LRBA: variants seen among roughly 807,000 people sequenced by gnomAD.
The protein encoded by LRBA is LPS responsive beige-like anchor protein.
A neutral mutation model predicts 330.0 loss-of-function variants in LRBA; 176 were observed. The ratio of observed to expected loss-of-function variants is 0.53; its 90% CI spans 0.47 to 0.60. LRBA has a LOEUF of 0.60. LRBA is among the 20% of genes least tolerant of loss of function. LRBA has a pLI of 0.00. For missense variants in LRBA, 3,259 were observed against 3,444.8 expected (o/e 0.95, Z 1.35); for synonymous variants, 1,230 against 1,193.0 (o/e 1.03, Z -0.64).
At chr4:150,267,398 AAT>A (rs1745482831) in intron 56 of LRBA, among the ~76,000 whole-genome samples, 2 of 151,426 alleles carry the variant, frequency 1.3e-5, no homozygotes, top group Non-Finnish European at 2.9e-5. Flanking sequence ...AAAATTCACA[AAT>A]ATGTGGAAAG....
intron 2 of LRBA, among the ~76,000 whole-genome samples, chr4:151,003,171 A>C (rs1243606219): frequency 6.6e-6 from 1 of 151,956 alleles, no homozygotes; most frequent in Non-Finnish European, 1.5e-5. Context: ...CAAGATGGAC[A>C]GATCACTTTA....
chr4:150,689,270 G>T (rs1783900032), intron 36 of LRBA, among the ~76,000 whole-genome samples: 1 of 152,004 alleles, frequency 6.6e-6, no homozygotes, highest in South Asian at 2.1e-4. Context: ...AAGAACATAT[G>T]GGCACGGAGA....
At chr4:150,920,548 T>C (rs1299852345) in intron 5 of LRBA, among the ~76,000 whole-genome samples, 2 of 151,810 alleles carry the variant, frequency 1.3e-5, no homozygotes, top group African/African-American at 2.4e-5. Context: ...AAACTCCATC[T>C]CAAAATAAAA....
At chr4:150,399,280 G>C (rs1213839644) in intron 47 of LRBA, among the ~76,000 whole-genome samples, 1 of 152,064 alleles carries the variant, frequency 6.6e-6, no homozygotes, top group Non-Finnish European at 1.5e-5. Context: ...GACACACAGA[G>C]ACACAAAATG....
At chr4:150,915,113 T>C (rs1186229944) in intron 8 of LRBA, among the ~76,000 whole-genome samples, 1 of 152,156 alleles carries the variant, frequency 6.6e-6, no homozygotes, top group Non-Finnish European at 1.5e-5. Flanking sequence ...TAGTGTACTT[T>C]ATGTTCATTT....
intron 46 of LRBA, among the ~76,000 whole-genome samples, chr4:150,424,263 G>C (rs552815076): frequency 5.0e-4 from 76 of 152,090 alleles, no homozygotes; most frequent in African/African-American, 1.8e-3. Flanking sequence ...TCATCGATAG[G>C]GTCTTGAAAA....
At chr4:150,961,389 C>T (rs1347518162) in intron 2 of LRBA, among the ~76,000 whole-genome samples, 1 of 149,282 alleles carries the variant, frequency 6.7e-6, no homozygotes, top group Non-Finnish European at 1.5e-5. Context: ...AAGAGAAATA[C>T]TGCAAGGCAT....
At chr4:150,480,577 CTT>C (rs1461964940) in intron 42 of LRBA, among the ~76,000 whole-genome samples, 3 of 151,954 alleles carry the variant, frequency 2.0e-5, no homozygotes, top group African/African-American at 7.2e-5. Context: ...GTAATAAACA[CTT>C]TTTTAAAACA....
chr4:150,528,906 T>C (rs13127921), intron 40 of LRBA, among the ~76,000 whole-genome samples: 59,075 of 151,954 alleles, frequency 0.39, 12,501 homozygotes, highest in South Asian at 0.5. Flanking sequence ...CTATATATAT[T>C]TATATGAGAT....
At position 150,491,044 on chromosome 4, in the gene LRBA, G is replaced by GA; in HGVS notation, c.6331-10dup. The GA allele has an allele frequency of 2.9e-6, 4 of 1,396,694 alleles. No individual in the cohort carries two copies. The highest frequency in any genetic ancestry group is 1.4e-5 in the South Asian group (1 of 72,680). 86.5% of individuals were successfully genotyped at this position (1,396,694 alleles called of 1,614,324 possible). A position where few individuals can be genotyped will look rare whatever the true frequency, so the allele number is the denominator to read the frequency against. ...TCTGTATATGCCAAGATCTAATGAG[G>GA]AAAAAAATAATCCCAGGTAAGTAAC... On this transcript the variant is annotated splice_polypyrimidine_tract_variant and intron_variant, in intron 40 of 56. Transcript: ENST00000651943.
chr4:150,729,308 T>C (rs1211619100), intron 36 of LRBA, among the ~76,000 whole-genome samples: 1 of 152,110 alleles, frequency 6.6e-6, no homozygotes, highest in East Asian at 1.9e-4. Flanking sequence ...TGAGATCCCA[T>C]CTCAAGCAAT....
rs145097204 is a variant in LRBA, at chr4:150,294,749, A to G, written c.8017+7876T>C. Among the ~76,000 whole-genome samples the G allele has an allele frequency of 6.2e-3, 947 of 152,326 alleles. 12 individuals are homozygous for G. The highest frequency in any genetic ancestry group is 0.02 in the African/African-American group (823 of 41,574). On this transcript the variant is annotated intron_variant, in intron 53 of 56. Transcript: ENST00000651943. ...GGCGGATCACAAGGTCAGGAGATTG[A>G]GACCATCATGGCCAACATGGTGAAA... is the stretch of plus-strand genomic sequence containing the variant.
intron 2 of LRBA, among the ~76,000 whole-genome samples, chr4:151,002,196 CAAAAAAAA>C (rs143587760): frequency 1.6e-3 from 38 of 24,408 alleles, no homozygotes; most frequent in African/African-American, 5.9e-3. Context: ...CATAAAACAG[CAAAAAAAA>C]AAAAAAAAAA....
rs780327383 is a variant in LRBA, at chr4:150,315,612, C to A, written c.7642G>T (p.Ala2548Ser). The stretch of plus-strand genomic sequence containing the variant: ...AGCTGGTATGGCTGGTCTTGTACAG[C>A]ACCTTGATGAGCTGGAATTCACAAA... ...KWHNLPAHQGAVQDQPYQLPV... is the reference protein window; with the variant it reads ...KWHNLPAHQGSVQDQPYQLPV... Residue 2548 changes from alanine (A) to serine (S), a missense_variant, in exon 51 of 57, where the codon GCT becomes TCT. By Grantham distance (99) the Ala-to-Ser change is moderately conservative (BLOSUM62 1). Coordinates refer to ENST00000651943, the MANE Select transcript of LRBA (RefSeq NM_001364905.1). The A allele has an allele frequency of 5.7e-6, 9 of 1,582,938 alleles. No homozygotes were observed. In the Admixed American group the frequency reaches 1.8e-4, roughly 31 times the overall value.
At chr4:150,521,560 T>C (rs1445133742) in intron 40 of LRBA, among the ~76,000 whole-genome samples, 1 of 152,194 alleles carries the variant, frequency 6.6e-6, no homozygotes, top group East Asian at 1.9e-4. Context: ...CAGCCTCTAT[T>C]TTCATTATGA....
chr4:150,504,180 C>G (rs1331405670), intron 40 of LRBA, among the ~76,000 whole-genome samples: 1 of 152,162 alleles, frequency 6.6e-6, no homozygotes, highest in Admixed American at 6.5e-5. Context: ...AGGATATTAT[C>G]CAGGAGAACT....
chr4:150,621,093 A>G (rs1399186049), intron 37 of LRBA, among the ~76,000 whole-genome samples: 1 of 25,364 alleles, frequency 3.9e-5, no homozygotes, highest in Non-Finnish European at 1.8e-3. Flanking sequence ...CCTTCTTCGG[A>G]AAAAAAAAAA....
chr4:150,741,514 T>A (rs1462421676), intron 35 of LRBA, among the ~76,000 whole-genome samples: 1 of 152,116 alleles, frequency 6.6e-6, no homozygotes, highest in Non-Finnish European at 1.5e-5. Flanking sequence ...CCAAGTTATA[T>A]CAAAGATGTG....
intron 2 of LRBA, among the ~76,000 whole-genome samples, chr4:150,952,864 C>T (rs1448131220): frequency 6.6e-6 from 1 of 152,170 alleles, no homozygotes; most frequent in Non-Finnish European, 1.5e-5. Flanking sequence ...TTAATGCATT[C>T]ATCTTTATAT....
Sources: allele counts gnomAD v4.1 joint callset (sites outside exome capture counted in the v4.1 genomes callset), GRCh38; gene constraint gnomAD v4.1.1; transcripts MANE v1.5; gene names NCBI Gene and HGNC (gene_info 2026-07-23, HGNC 2026-07-21).